The following PIWIL1 variants were observed in gnomAD, a reference collection of about 807,000 sequenced individuals.
PIWIL1 encodes piwi-like protein 1.
In PIWIL1, 73 loss-of-function variants were observed where a neutral mutation model predicts 114.4. The ratio of observed to expected loss-of-function variants is 0.64; its 90% CI spans 0.53 to 0.78. The LOEUF is 0.78. PIWIL1 is among the 30% of genes least tolerant of loss of function. The pLI, the probability that PIWIL1 is intolerant of heterozygous loss-of-function variation, is 0.00. For synonymous variants in PIWIL1, 375 were observed against 369.0 expected, an observed-to-expected ratio of 1.02 and a Z score of -0.19; for missense variants, 723 against 1,063.1, an observed-to-expected ratio of 0.68 and a Z score of 4.45.
At position 130,363,244 on chromosome 12, in the gene PIWIL1, T is replaced by C. The variant is rs983188164; in HGVS notation, c.2195+100T>C. 63 of 1,227,838 alleles carry C rather than the reference T, an allele frequency of 5.1e-5. 1 individual carries two copies. The South Asian group carries it at 8.2e-4, about 16-fold the overall frequency. 76.1% of individuals were successfully genotyped at this position (1,227,838 alleles called of 1,614,324 possible). A position where few individuals can be genotyped will look rare whatever the true frequency, so the allele number is the denominator to read the frequency against. On this transcript the variant is annotated intron_variant, in intron 18 of 20. Transcript: ENST00000245255. ...ATGAAAGGATGAGGGAGAACCTAAC[T>C]TGATAGGGACTGTAGGGCCTTTGAG...
chr12:130,380,729 T>G, the PIWIL1 span, among the ~76,000 whole-genome samples: 1 of 152,238 alleles, frequency 6.6e-6, no homozygotes. Flanking sequence ...AAAGTAGTAC[T>G]CAAGATAAAA....
chr12:130,399,799 C>T, the PIWIL1 span: 2 of 1,614,130 alleles, frequency 1.2e-6, no homozygotes, highest in Admixed American at 1.7e-5. Flanking sequence ...GGCCTTTCTG[C>T]CCATTCAGCT....
At chr12:130,404,708 T>C in the PIWIL1 span, among the ~76,000 whole-genome samples, 1 of 152,210 alleles carries the variant, frequency 6.6e-6, no homozygotes, top group African/African-American at 2.4e-5. Flanking sequence ...TATGTCAGAA[T>C]TGAAAGACAA....
chr12:130,424,035 G>C, the PIWIL1 span: 1 of 554,432 alleles, frequency 1.8e-6, no homozygotes, highest in Non-Finnish European at 2.7e-6. The surrounding 1 kb of genome is among the most constrained non-coding windows in gnomAD (Gnocchi z 9.8). Flanking sequence ...AAGACAGCCA[G>C]CAAGAGAGTC....
the PIWIL1 span, chr12:130,399,796 C>G: frequency 6.2e-7 from 1 of 1,614,160 alleles, no homozygotes; most frequent in Non-Finnish European, 8.5e-7. Context: ...CAAGGCCTTT[C>G]TGCCCATTCA....
At chr12:130,389,355 A>G in the PIWIL1 span, among the ~76,000 whole-genome samples, 12 of 152,082 alleles carry the variant, frequency 7.9e-5, no homozygotes, top group African/African-American at 2.9e-4. Flanking sequence ...AAGGGTTTAT[A>G]TAAGATTGGG....
intron 19 of PIWIL1, among the ~76,000 whole-genome samples, chr12:130,370,566 C>G (rs912826261): frequency 6.6e-6 from 1 of 152,162 alleles, no homozygotes; most frequent in African/African-American, 2.4e-5. Flanking sequence ...TCAGGAGGTC[C>G]TGGAACCAAT....
At chr12:130,343,400 A>G (rs749166133) in intron 3 of PIWIL1, among the ~76,000 whole-genome samples, 9 of 152,214 alleles carry the variant, frequency 5.9e-5, no homozygotes, top group Admixed American at 5.2e-4. Context: ...AGAGGTAAAG[A>G]TCATTGTGAC....
intron 14 of PIWIL1, 104 bp downstream of exon 14, chr12:130,357,657 G>C: frequency 1.4e-6 from 1 of 726,302 alleles, no homozygotes; most frequent in South Asian, 1.6e-5. Context: ...AATGTTAATA[G>C]GTTCTCAAAC....
chr12:130,421,934 C>T, the PIWIL1 span, among the ~76,000 whole-genome samples: 84,637 of 152,100 alleles, frequency 0.56, 24,650 homozygotes, highest in African/African-American at 0.74. Flanking sequence ...TGCCAGATGA[C>T]GACTCATGAG....
chr12:130,412,778 C>T, the PIWIL1 span: 3,234 of 1,612,224 alleles, frequency 2.0e-3, 90 homozygotes, highest in East Asian at 0.06. Flanking sequence ...GCGTCTTTAT[C>T]ACCATAAACC....
At chr12:130,422,124 G>A in the PIWIL1 span, among the ~76,000 whole-genome samples, 2 of 152,184 alleles carry the variant, frequency 1.3e-5, no homozygotes, top group Non-Finnish European at 1.5e-5. This position sits in a 1 kb window ranked among gnomAD's most constrained non-coding sequence, Gnocchi z 5.2. Flanking sequence ...ACCTGCCATG[G>A]ACTGTGACCC....
chr12:130,409,332 C>CTTTTTTT, the PIWIL1 span, among the ~76,000 whole-genome samples: 14 of 65,402 alleles, frequency 2.1e-4, 1 homozygote, highest in Non-Finnish European at 2.9e-4. Flanking sequence ...CAAAATGTAG[C>CTTTTTTT]TTTTTTTTTT....
rs1231060974 is a variant in PIWIL1, at chr12:130,371,482, G to T, written c.2470G>T (p.Gly824Cys). Reference protein sequence around the residue: ...KLCHIYYNWPGVIRVPAPCQY... With the variant: ...KLCHIYYNWPCVIRVPAPCQY... ...GAACCTTTTTTTCCTTCCACTAAAGGGTGTCATTCGTGTTCCTGCTCCTTG... is the reference window on the plus strand; with the variant it reads ...GAACCTTTTTTTCCTTCCACTAAAGTGTGTCATTCGTGTTCCTGCTCCTTG... The change falls in exon 21 of 21, where the codon GGT becomes TGT. Residue 824 changes from glycine (G) to cysteine (C), a missense_variant and splice_region_variant. Physicochemically the swap from Gly to Cys is radical, Grantham distance 159. Around this residue, in one of 8 missense-constraint regions of PIWIL1, gnomAD observed 106 missense variants for 182.8 expected, o/e 0.58. Coordinates refer to ENST00000245255, the MANE Select transcript of PIWIL1 (RefSeq NM_004764.5). The T allele has an allele frequency of 6.2e-7, 1 of 1,613,594 alleles. No homozygotes were observed. Among genetic ancestry groups the T allele is most frequent in the South Asian group, 1.1e-5 (1 of 91,030 alleles).
intron 11 of PIWIL1, among the ~76,000 whole-genome samples, chr12:130,355,251 A>G (rs1482038251): frequency 6.6e-6 from 1 of 152,248 alleles, no homozygotes. Context: ...GCAAAAGGTG[A>G]CAACAGAAAA....
At chr12:130,344,627 A>G (rs963045454) in intron 3 of PIWIL1, among the ~76,000 whole-genome samples, 2 of 152,180 alleles carry the variant, frequency 1.3e-5, no homozygotes, top group Non-Finnish European at 2.9e-5. Flanking sequence ...TTGTGGTCAG[A>G]AGAGAACTGG....
rs369868529 is a variant in PIWIL1 at position 130,367,227 on chromosome 12, G to A, written c.2290G>A (p.Val764Ile). 7.4e-6 allele frequency: 12 copies of A among 1,614,154 alleles called. No homozygotes were observed. The highest frequency in any genetic ancestry group is 1.0e-5 in the Non-Finnish European group (12 of 1,179,990). ...GRLQNPLPGT[V>I]IDVEVTRPEW... ...ACTTCAGAATCCACTTCCTGGAACA[G>A]TTATTGATGTAGAGGTTACCAGACC... The change falls in exon 19 of 21, where the codon GTT becomes ATT. Residue 764 changes from valine (V) to isoleucine (I), a missense_variant. This residue lies in a region of PIWIL1 where 106 missense variants were observed against 182.8 expected (regional missense o/e 0.58). Transcript: ENST00000245255.
At chr12:130,373,920 C>T (rs865964162), downstream of PIWIL1, among the ~76,000 whole-genome samples, 2 of 152,278 alleles carry the variant, frequency 1.3e-5, no homozygotes, top group East Asian at 1.9e-4. Flanking sequence ...TCTCCTTTCA[C>T]GTGGGATGTG....
chr12:130,373,684 A>G (rs2073845336), downstream of PIWIL1, among the ~76,000 whole-genome samples: 1 of 152,176 alleles, frequency 6.6e-6, no homozygotes, highest in Non-Finnish European at 1.5e-5. Context: ...CTATTAAACA[A>G]GTCCCAGGTG....
Sources: allele counts gnomAD v4.1 joint callset (sites outside exome capture counted in the v4.1 genomes callset), GRCh38; gene constraint gnomAD v4.1.1; regional missense constraint gnomAD v4.1.1; non-coding constraint Gnocchi (gnomAD v3.1); transcripts MANE v1.5; gene names NCBI Gene and HGNC (gene_info 2026-07-23, HGNC 2026-07-21).